The following RASAL2 variants were observed in gnomAD, a reference collection of about 807,000 sequenced individuals.
RASAL2 encodes RAS protein activator like 2, also known as ras GTPase-activating protein nGAP.
A neutral mutation model predicts 128.9 loss-of-function variants in RASAL2; 58 were observed. The observed-to-expected ratio is 0.45, with a 90% confidence interval of 0.36 to 0.56. The LOEUF is 0.56. RASAL2 is among the 20% of genes least tolerant of loss of function. The pLI is 0.00. For missense variants in RASAL2, 1,360 were observed against 1,601.6 expected, an observed-to-expected ratio of 0.85 and a Z score of 2.57; for synonymous variants, 561 against 580.8, an observed-to-expected ratio of 0.97 and a Z score of 0.49.
At chr1:178,471,924 A>T (rs955995190) in intron 17 of RASAL2, among the ~76,000 whole-genome samples, 3 of 152,098 alleles carry the variant, frequency 2.0e-5, no homozygotes, top group Admixed American at 2.0e-4. Flanking sequence ...AAACTTTACC[A>T]TGCTTTTCTC....
At chr1:178,095,936 ATTC>A (rs1042500006) in intron 1 of RASAL2, among the ~76,000 whole-genome samples, 6 of 152,186 alleles carry the variant, frequency 3.9e-5, no homozygotes, top group Non-Finnish European at 8.8e-5. Context: ...AAATCCAGGA[ATTC>A]TTCTTATAAC....
intron 1 of RASAL2, among the ~76,000 whole-genome samples, chr1:178,134,005 C>T (rs1470353737): frequency 2.6e-5 from 4 of 152,126 alleles, no homozygotes; most frequent in Non-Finnish European, 5.9e-5. Context: ...TTGAGAGATA[C>T]TTAAATTTTT....
intron 1 of RASAL2, among the ~76,000 whole-genome samples, chr1:178,231,231 T>G (rs765152690): frequency 6.6e-6 from 1 of 151,978 alleles, no homozygotes; most frequent in Non-Finnish European, 1.5e-5. Flanking sequence ...CACCTGACAT[T>G]CCTGGTGGGG....
At chr1:178,331,222 C>G (rs993264065) in intron 3 of RASAL2, among the ~76,000 whole-genome samples, 1 of 152,130 alleles carries the variant, frequency 6.6e-6, no homozygotes, top group Non-Finnish European at 1.5e-5. Flanking sequence ...CTCTGTCACC[C>G]AGGCCAAGAT....
chr1:178,194,005 C>T (rs938519370), intron 1 of RASAL2, among the ~76,000 whole-genome samples: 1 of 152,164 alleles, frequency 6.6e-6, no homozygotes, highest in African/African-American at 2.4e-5. Context: ...TCGTTAAACA[C>T]TTGGATCAAA....
At chr1:178,307,500 A>G (rs561912719) in intron 3 of RASAL2, among the ~76,000 whole-genome samples, 22 of 152,334 alleles carry the variant, frequency 1.4e-4, no homozygotes, top group Admixed American at 9.2e-4. Context: ...TTCTTTGTAT[A>G]CAAATAATAC....
intron 1 of RASAL2, among the ~76,000 whole-genome samples, chr1:178,244,822 C>G (rs1481156002): frequency 6.6e-6 from 1 of 152,068 alleles, no homozygotes; most frequent in East Asian, 1.9e-4. Flanking sequence ...TGAGAACATG[C>G]AGTGTTTGGT....
chr1:178,442,382 T>C (rs997653543), intron 7 of RASAL2, among the ~76,000 whole-genome samples: 2 of 152,118 alleles, frequency 1.3e-5, no homozygotes, highest in Admixed American at 6.6e-5. Flanking sequence ...TTTGCAGATA[T>C]TAGACTGGTT....
At chr1:178,178,527 T>C (rs1379531102) in intron 1 of RASAL2, among the ~76,000 whole-genome samples, 1 of 152,222 alleles carries the variant, frequency 6.6e-6, no homozygotes, top group Non-Finnish European at 1.5e-5. Flanking sequence ...GGGATTTTGC[T>C]CAAATTTCTG....
chr1:178,187,413 T>C (rs528209747), intron 1 of RASAL2, among the ~76,000 whole-genome samples: 1 of 152,356 alleles, frequency 6.6e-6, no homozygotes, highest in South Asian at 2.1e-4. Context: ...CTTCTCTCCT[T>C]GTTAGCACAT....
rs939205477 is a variant in RASAL2 at position 178,446,096 on chromosome 1, A to G, written c.1627+434A>G. 3.9e-5 allele frequency among the ~76,000 whole-genome samples: 6 copies of G among 152,308 alleles called. No individual in the cohort carries two copies. The South Asian group carries it at 8.3e-4, about 21-fold the overall frequency. Reference sequence around the variant, plus strand: ...TTGCCACTTCCCACAACTCCCCCACAAATTTCTGCCTTTCTCTAGAATTTT... The same window carrying G: ...TTGCCACTTCCCACAACTCCCCCACGAATTTCTGCCTTTCTCTAGAATTTT... On this transcript the variant is annotated intron_variant, in intron 9 of 17. Coordinates refer to ENST00000367649, the MANE Select transcript of RASAL2 (RefSeq NM_170692.4).
In RASAL2 at chr1:178,283,601, T is replaced by G; in HGVS notation, c.240T>G (p.Gly80=). 1.2e-6 allele frequency: 2 copies of G among 1,613,996 alleles called. No homozygotes were observed. The highest frequency in any genetic ancestry group is 1.7e-6 in the Non-Finnish European group (2 of 1,179,956). The change falls in exon 2 of 18, where the codon GGT becomes GGG. Residue 80 remains glycine, a synonymous_variant. Coordinates refer to ENST00000367649, the MANE Select transcript of RASAL2 (RefSeq NM_170692.4). ...CACCCACCCACCGTCTGTCTTGTGG[T>G]CAGTCACCCTACACCGAGACAACAA... ...KGPPTHRLSC[G]QSPYTETTTW...
At chr1:178,412,906 C>T (rs1291967181) in intron 4 of RASAL2, among the ~76,000 whole-genome samples, 1 of 152,164 alleles carries the variant, frequency 6.6e-6, no homozygotes. Flanking sequence ...ATTTTTCCAG[C>T]AGGGAGAAGG....
intron 4 of RASAL2, among the ~76,000 whole-genome samples, chr1:178,417,758 TAAAAAAAAAAAA>T (rs35109719): frequency 0.016 from 1,067 of 67,890 alleles, 63 homozygotes; most frequent in Admixed American, 0.14. Flanking sequence ...AAACTCCGTC[TAAAAAAAAAAAA>T]AAAAAAAAAA....
chr1:178,247,341 G>GT (rs150731833), intron 1 of RASAL2, among the ~76,000 whole-genome samples: 44 of 151,400 alleles, frequency 2.9e-4, no homozygotes, highest in East Asian at 5.8e-4. Context: ...TAGAATTTCC[G>GT]TTTTTTTTGC....
intron 3 of RASAL2, among the ~76,000 whole-genome samples, chr1:178,361,081 T>A (rs568750012): frequency 4.6e-5 from 7 of 152,344 alleles, no homozygotes; most frequent in Non-Finnish European, 4.4e-5. Flanking sequence ...ACAAATGTGA[T>A]GTATTTTATT....
intron 3 of RASAL2, among the ~76,000 whole-genome samples, chr1:178,351,416 T>C (rs1444364421): frequency 6.6e-6 from 1 of 152,154 alleles, no homozygotes; most frequent in Non-Finnish European, 1.5e-5. Flanking sequence ...TATGAGCCTG[T>C]AAAGTCAAAC....
chr1:178,364,817 A>T (rs1430482063), intron 3 of RASAL2, among the ~76,000 whole-genome samples: 1 of 152,204 alleles, frequency 6.6e-6, no homozygotes, highest in Non-Finnish European at 1.5e-5. Flanking sequence ...TAAAGAAAAA[A>T]TATTTCAAGA....
intron 1 of RASAL2, among the ~76,000 whole-genome samples, chr1:178,156,225 C>T (rs1382117129): frequency 6.6e-6 from 1 of 152,092 alleles, no homozygotes; most frequent in African/African-American, 2.4e-5. Flanking sequence ...TACCTGAATG[C>T]AAAGAAATCA....
Sources: gnomAD v4.1 joint callset for allele counts (sites outside exome capture counted in the v4.1 genomes callset) on GRCh38, gnomAD v4.1.1 for gene constraint, MANE v1.5 for transcripts, NCBI Gene and HGNC (gene_info 2026-07-23, HGNC 2026-07-21) for gene names.